SLC8A3: variants seen among roughly 807,000 people sequenced by gnomAD.
SLC8A3 encodes the protein sodium/calcium exchanger 3.
In SLC8A3, 37 loss-of-function variants were observed where a neutral mutation model predicts 65.4. That is an observed-to-expected ratio of 0.57 (90% CI 0.44 to 0.74). The LOEUF is 0.74. SLC8A3 is among the 30% of genes least tolerant of loss of function. SLC8A3 has a pLI of 0.00. For synonymous variants in SLC8A3, 461 were observed against 444.5 expected, an observed-to-expected ratio of 1.04 and a Z score of -0.47; for missense variants, 1,112 against 1,172.1, an observed-to-expected ratio of 0.95 and a Z score of 0.75.
chr14:70,136,293 G>A (rs988599029), intron 2 of SLC8A3, among the ~76,000 whole-genome samples: 1 of 152,168 alleles, frequency 6.6e-6, no homozygotes, highest in Non-Finnish European at 1.5e-5. Flanking sequence ...GCCAGCACCC[G>A]ATTTTGGAAT....
intron 1 of SLC8A3, among the ~76,000 whole-genome samples, chr14:70,178,954 AC>A (rs1448847911): frequency 5.9e-5 from 9 of 151,854 alleles, no homozygotes; most frequent in African/African-American, 1.7e-4. Flanking sequence ...GTGGCACCCC[AC>A]CCCCTACTGA....
At chr14:70,118,572 A>G (rs1157330205) in intron 2 of SLC8A3, among the ~76,000 whole-genome samples, 2 of 152,236 alleles carry the variant, frequency 1.3e-5, no homozygotes, top group Non-Finnish European at 2.9e-5. Flanking sequence ...CATTCCCAAG[A>G]AAGAATGCCT....
At chr14:70,154,494 A>G (rs1594771772) in intron 2 of SLC8A3, among the ~76,000 whole-genome samples, 1 of 152,192 alleles carries the variant, frequency 6.6e-6, no homozygotes, top group African/African-American at 2.4e-5. Context: ...AACAACATAT[A>G]TGGCTCCCAA....
At chr14:70,065,742 G>A (rs1403457635) in intron 2 of SLC8A3, among the ~76,000 whole-genome samples, 1 of 152,200 alleles carries the variant, frequency 6.6e-6, no homozygotes, top group Non-Finnish European at 1.5e-5. Context: ...GGTGGTTTGA[G>A]AGTCATATGT....
chr14:70,071,897 C>T (rs189201784), intron 2 of SLC8A3, among the ~76,000 whole-genome samples: 2 of 152,248 alleles, frequency 1.3e-5, no homozygotes, highest in East Asian at 3.9e-4. Flanking sequence ...AAGAGTGTTT[C>T]GGGGTGCGTG....
intron 2 of SLC8A3, among the ~76,000 whole-genome samples, chr14:70,141,374 C>T (rs1478084564): frequency 3.3e-5 from 5 of 152,320 alleles, no homozygotes; most frequent in Admixed American, 6.5e-5. Context: ...ATACATTTCT[C>T]AAAGTCTCAC....
At chr14:70,130,327 CT>C (rs1272638567) in intron 2 of SLC8A3, among the ~76,000 whole-genome samples, 5 of 152,230 alleles carry the variant, frequency 3.3e-5, no homozygotes, top group Admixed American at 2.0e-4. Flanking sequence ...TTCCCGCCCC[CT>C]ATAAAGGTGT....
intron 5 of SLC8A3, among the ~76,000 whole-genome samples, chr14:70,049,559 G>A (rs1445441071): frequency 6.6e-6 from 1 of 151,794 alleles, no homozygotes; most frequent in Non-Finnish European, 1.5e-5. Flanking sequence ...GCAGCAAACC[G>A]CCATGGCACG....
At chr14:70,159,334 G>A (rs150459272) in intron 2 of SLC8A3, among the ~76,000 whole-genome samples, 186 of 149,124 alleles carry the variant, frequency 1.2e-3, no homozygotes, top group African/African-American at 4.4e-3. Context: ...GCTTGAACTC[G>A]AAAGCAGAGG....
intron 2 of SLC8A3, among the ~76,000 whole-genome samples, chr14:70,080,518 A>T (rs535544719): frequency 6.6e-6 from 1 of 152,326 alleles, no homozygotes; most frequent in African/African-American, 2.4e-5. Context: ...CCTTAACTCC[A>T]GGAACCTTCC....
chr14:70,074,562 G>T (rs976999809), intron 2 of SLC8A3, among the ~76,000 whole-genome samples: 10 of 152,180 alleles, frequency 6.6e-5, no homozygotes, highest in African/African-American at 2.4e-5. Flanking sequence ...TTATCACAAA[G>T]GTGGGGAAGG....
chr14:70,156,190 T>G (rs925235391), intron 2 of SLC8A3, among the ~76,000 whole-genome samples: 12 of 152,200 alleles, frequency 7.9e-5, no homozygotes, highest in African/African-American at 2.9e-4. Context: ...GATAAAGAAA[T>G]TATCTGCTTC....
At chr14:70,088,371 C>CT (rs1891582621) in intron 2 of SLC8A3, among the ~76,000 whole-genome samples, 1 of 152,154 alleles carries the variant, frequency 6.6e-6, no homozygotes, top group South Asian at 2.1e-4. Context: ...TCTTTCTTTC[C>CT]TAAGGATTGC....
rs964952181 is a variant in SLC8A3 at position 70,125,556 on chromosome 14, A to G, written c.1784+41083T>C. The stretch of plus-strand genomic sequence containing the variant: ...TTCCATTGTGTGTGTATATATACAC[A>G]TTTTCTTTATCCAGTCATCCATGGA... On this transcript the variant is annotated intron_variant, in intron 2 of 6. Transcript: ENST00000356921. Among the ~76,000 whole-genome samples, 5 of 152,030 alleles carry G rather than the reference A, an allele frequency of 3.3e-5. 1 individual carries two copies. Among genetic ancestry groups the G allele is most frequent in the Non-Finnish European group, 5.9e-5 (4 of 68,012 alleles).
chr14:70,088,825 G>A (rs755196589), intron 2 of SLC8A3, among the ~76,000 whole-genome samples: 2 of 152,044 alleles, frequency 1.3e-5, no homozygotes, highest in Non-Finnish European at 2.9e-5. Flanking sequence ...CTGCATTCTG[G>A]CTTCCTCTCC....
Position 70,057,335 on chromosome 14 carries a change from T to TAGATAGAC in SLC8A3, c.1888+3500_1888+3501insGTCTATCT, listed in dbSNP as rs1342032677. ...ATAGATAGATAGATAGATAGATAGA[T>TAGATAGAC]AGGCAAGAGCTTGTTTATTCTGCTC... On this transcript the variant is annotated intron_variant, in intron 3 of 6. Coordinates refer to ENST00000356921, the MANE Select transcript of SLC8A3 (RefSeq NM_182932.3). Among the ~76,000 whole-genome samples, 8 of 150,798 alleles carry TAGATAGAC rather than the reference T, an allele frequency of 5.3e-5. No individual in the cohort carries two copies. In the South Asian group the frequency reaches 1.0e-3, roughly 20 times the overall value.
chr14:70,184,140 G>C (rs902612094), intron 1 of SLC8A3, among the ~76,000 whole-genome samples: 1 of 152,008 alleles, frequency 6.6e-6, no homozygotes, highest in Non-Finnish European at 1.5e-5. Flanking sequence ...CTACCCATGA[G>C]AGTCTGTACA....
intron 2 of SLC8A3, among the ~76,000 whole-genome samples, chr14:70,088,015 A>G (rs1052521627): frequency 1.3e-5 from 2 of 152,194 alleles, no homozygotes; most frequent in Non-Finnish European, 2.9e-5. Flanking sequence ...CAATGGAGAG[A>G]GTATTCACTT....
chr14:70,057,881 T>C (rs990474130), intron 3 of SLC8A3, among the ~76,000 whole-genome samples: 1 of 151,000 alleles, frequency 6.6e-6, no homozygotes, highest in Non-Finnish European at 1.5e-5. Flanking sequence ...ACAGGCCCCA[T>C]TCTTCAGAGA....
Sources: gnomAD v4.1 joint callset for allele counts (sites outside exome capture counted in the v4.1 genomes callset) on GRCh38, gnomAD v4.1.1 for gene constraint, MANE v1.5 for transcripts, NCBI Gene and HGNC (gene_info 2026-07-23, HGNC 2026-07-21) for gene names.